GRAMD4: variants seen among roughly 807,000 people sequenced by gnomAD.
GRAMD4 encodes the protein GRAM domain-containing protein 4.
In GRAMD4, 25 loss-of-function variants were observed where a neutral mutation model predicts 83.9. The observed-to-expected ratio is 0.30, with a 90% CI of 0.22 to 0.42. The LOEUF is 0.42. GRAMD4 is among the 10% of genes least tolerant of loss of function. GRAMD4 has a pLI of 1.00. For missense variants in GRAMD4, 593 were observed against 788.7 expected, an observed-to-expected ratio of 0.75 and a Z score of 2.97; for synonymous variants, 336 against 320.9, an observed-to-expected ratio of 1.05 and a Z score of -0.50.
chr22:46,589,248 G>C (rs943608102), intron 1 of GRAMD4, among the ~76,000 whole-genome samples: 8 of 151,196 alleles, frequency 5.3e-5, no homozygotes, highest in African/African-American at 7.3e-5. Context: ...CTGGCTCTTG[G>C]GGGGAGTCCT....
In GRAMD4 at chr22:46,662,221, C is replaced by T. The variant is rs1044029799; in HGVS notation, c.466+779C>T. On this transcript the variant is annotated intron_variant, in intron 5 of 18. Transcript: ENST00000406902. ...CTGCCCTGGCCCCATCCTCCCTGCC[C>T]GGGTGGCCTTGGGGTACACAGACCT... 7.2e-5 allele frequency among the ~76,000 whole-genome samples: 11 copies of T among 152,326 alleles called. No homozygotes were observed. The Middle Eastern group carries it at 0.01, about 141-fold the overall frequency.
intron 2 of GRAMD4, among the ~76,000 whole-genome samples, chr22:46,637,208 G>T (rs768238079): frequency 4.6e-5 from 7 of 151,842 alleles, no homozygotes; most frequent in Non-Finnish European, 1.0e-4. Flanking sequence ...AGCCTGAGGA[G>T]ATCAGGATCA....
At chr22:46,680,797 TTCAC>T (rs2082664642), downstream of GRAMD4, among the ~76,000 whole-genome samples, 2 of 52,132 alleles carry the variant, frequency 3.8e-5, no homozygotes, top group African/African-American at 1.9e-4. Context: ...CACCTATCCA[TTCAC>T]CTACCCATCC....
At chr22:46,590,659 C>G (rs1244740237) in intron 1 of GRAMD4, among the ~76,000 whole-genome samples, 1 of 152,182 alleles carries the variant, frequency 6.6e-6, no homozygotes, top group Non-Finnish European at 1.5e-5. Context: ...CAGCAGAGGT[C>G]CCGCCAGGGC....
intron 1 of GRAMD4, among the ~76,000 whole-genome samples, chr22:46,626,447 G>A (rs1428857733): frequency 6.6e-6 from 1 of 152,252 alleles, no homozygotes; most frequent in Non-Finnish European, 1.5e-5. Context: ...TTGGTGGGAG[G>A]CAAGGACGCA....
At chr22:46,652,681 G>A (rs1220862038) in intron 3 of GRAMD4, among the ~76,000 whole-genome samples, 6 of 152,188 alleles carry the variant, frequency 3.9e-5, no homozygotes, top group South Asian at 2.1e-4. Flanking sequence ...GGCCCACTCC[G>A]GAGGCCGAGG....
At chr22:46,591,080 C>A (rs895965524) in intron 1 of GRAMD4, among the ~76,000 whole-genome samples, 6 of 115,360 alleles carry the variant, frequency 5.2e-5, no homozygotes, top group Admixed American at 7.7e-5. Context: ...GAAAAAAAAA[C>A]AAACAAACCC....
chr22:46,614,929 G>C (rs1185100017), intron 1 of GRAMD4, among the ~76,000 whole-genome samples: 4 of 29,864 alleles, frequency 1.3e-4, no homozygotes, highest in Admixed American at 3.5e-4. Flanking sequence ...GGTTTCCCCC[G>C]TGTGTAGGTT....
intron 1 of GRAMD4, among the ~76,000 whole-genome samples, chr22:46,624,605 C>T (rs1385659748): frequency 3.9e-5 from 6 of 152,104 alleles, no homozygotes; most frequent in African/African-American, 9.7e-5. Flanking sequence ...GGATTACAGG[C>T]GTGAACCACT....
chr22:46,648,659 A>G (rs542176640), intron 3 of GRAMD4, among the ~76,000 whole-genome samples: 1 of 150,016 alleles, frequency 6.7e-6, no homozygotes, highest in East Asian at 2.0e-4. Context: ...ACGAATGGGT[A>G]GATTTGGTAA....
At chr22:46,662,170 T>G (rs1232430558) in intron 5 of GRAMD4, among the ~76,000 whole-genome samples, 1 of 152,182 alleles carries the variant, frequency 6.6e-6, no homozygotes, top group African/African-American at 2.4e-5. Context: ...CAGGCTGCCT[T>G]GGGGGCGGGA....
Position 46,678,790 on chromosome 22 carries a change from C to T in GRAMD4, c.*1539C>T. On this transcript the variant is annotated 3_prime_UTR_variant, in exon 19 of 19. Coordinates refer to ENST00000406902, the MANE Select transcript of GRAMD4 (RefSeq NM_015124.5). ...CGGCATGGGCTGGTTTCACCCCCTT[C>T]ACGAGGGGCCGCAGAGTCACACGCT... 1.0e-6 allele frequency: 1 copy of T among 986,130 alleles called. No homozygotes were observed. Among genetic ancestry groups the T allele is most frequent in the Non-Finnish European group, 1.2e-6 (1 of 830,004 alleles). The allele number at this position is 986,130 out of a possible 1,614,324, so 61.1% of individuals were successfully genotyped here. A position where few individuals can be genotyped will look rare whatever the true frequency, so the allele number is the denominator to read the frequency against.
Position 46,678,649 on chromosome 22 carries a change from A to G in GRAMD4, c.*1398A>G, listed in dbSNP as rs2082634026. ...TGAGATTGTTGTTTTTTGAAGAAAC[A>G]GAAGATTCTATTTTTTACAGCGAGC... On this transcript the variant is annotated 3_prime_UTR_variant, in exon 19 of 19. Transcript: ENST00000406902. 1.0e-6 allele frequency: 1 copy of G among 985,468 alleles called. No individual in the cohort carries two copies. The allele number at this position is 985,468 out of a possible 1,614,324, so 61.0% of individuals were successfully genotyped here.
chr22:46,672,905 C>T lies in GRAMD4; in HGVS notation c.1147C>T (p.Arg383Cys), dbSNP rs1339787452. ...CATCTTTAAACGCTGCCCGAGGCTG[C>T]GCGCCAAGTACGACACGCCCTATAT... ...DFIFKRCPRL[R>C]AKYDTPYIIW... The change falls in exon 14 of 19, where the codon CGC becomes TGC. Residue 383 changes from arginine to cysteine, a missense_variant. By Grantham distance (180) the Arg-to-Cys change is radical (BLOSUM62 -3). Transcript: ENST00000406902. The surrounding 1 kb of genome is among the most constrained non-coding windows in gnomAD (Gnocchi z 4.7). 35 of 1,611,854 alleles carry T rather than the reference C, an allele frequency of 2.2e-5. No individual in the cohort carries two copies. Among genetic ancestry groups the T allele is most frequent in the Non-Finnish European group, 2.7e-5 (32 of 1,179,238 alleles).
downstream of GRAMD4, chr22:46,682,358 C>T (rs947886076): frequency 8.4e-6 from 7 of 830,734 alleles, no homozygotes; most frequent in Admixed American, 6.2e-5. Flanking sequence ...AGAAGACATT[C>T]AGCTGTTACT....
At position 46,678,698 on chromosome 22, in the gene GRAMD4, T is replaced by C; in HGVS notation, c.*1447T>C. On this transcript the variant is annotated 3_prime_UTR_variant, in exon 19 of 19. Transcript: ENST00000406902. ...GCAAGCTGGTTTTCTTATTTTTGTA[T>C]CCTTTTTCAGATGTAATTTTTATCT... The C allele has an allele frequency of 1.0e-6, 1 of 985,712 alleles. No homozygotes were observed. The highest frequency in any genetic ancestry group is 4.7e-5 in the South Asian group (1 of 21,294). The allele number at this position is 985,712 out of a possible 1,614,324, so 61.1% of individuals were successfully genotyped here. A position where few individuals can be genotyped will look rare whatever the true frequency, so the allele number is the denominator to read the frequency against.
chr22:46,682,531 C>T (rs749400556), downstream of GRAMD4: 109 of 679,342 alleles, frequency 1.6e-4, no homozygotes, highest in Non-Finnish European at 1.9e-4. Flanking sequence ...GGGACTGCGA[C>T]GAGGGCGCCC....
intron 1 of GRAMD4, among the ~76,000 whole-genome samples, chr22:46,598,585 C>G (rs953613279): frequency 6.6e-6 from 1 of 151,484 alleles, no homozygotes; most frequent in Non-Finnish European, 1.5e-5. Flanking sequence ...CGGCTCCTGG[C>G]TCACCTGTGG....
downstream of GRAMD4, among the ~76,000 whole-genome samples, chr22:46,680,538 A>G (rs890651774): frequency 2.0e-5 from 2 of 98,614 alleles, no homozygotes; most frequent in African/African-American, 8.9e-5. Flanking sequence ...CCATTCATCC[A>G]CATCTGTCCG....
Sources: allele counts gnomAD v4.1 joint callset (sites outside exome capture counted in the v4.1 genomes callset), GRCh38; gene constraint gnomAD v4.1.1; non-coding constraint Gnocchi (gnomAD v3.1); transcripts MANE v1.5; gene names NCBI Gene and HGNC (gene_info 2026-07-23, HGNC 2026-07-21).